DCC: variants seen among roughly 807,000 people sequenced by gnomAD.
DCC encodes the protein netrin receptor DCC.
A neutral mutation model predicts 172.5 loss-of-function variants in DCC; 58 were observed. The observed-to-expected ratio is 0.34, with a 90% CI of 0.27 to 0.42. DCC has a LOEUF of 0.42. DCC is among the 10% of genes least tolerant of loss of function. DCC has a pLI of 1.00. For missense variants in DCC, 1,740 were observed against 1,791.0 expected (o/e 0.97, Z 0.51); for synonymous variants, 709 against 644.5 (o/e 1.10, Z -1.52).
Position 53,236,739 on chromosome 18 carries a change from A to G in DCC, c.1911+21142A>G, listed in dbSNP as rs560811863. Among the ~76,000 whole-genome samples the G allele has an allele frequency of 3.0e-3, 459 of 152,182 alleles. 3 individuals are homozygous for G. Among genetic ancestry groups the G allele is most frequent in the Non-Finnish European group, 5.3e-3 (360 of 67,932 alleles). On this transcript the variant is annotated intron_variant, in intron 12 of 28. Transcript: ENST00000442544. Reference sequence around the variant, plus strand: ...CATTTAGGTCTGTGATACACCTTGAATTAATTTTTGTGTATAGATTAAGGA... The same window carrying G: ...CATTTAGGTCTGTGATACACCTTGAGTTAATTTTTGTGTATAGATTAAGGA...
chr18:53,237,036 A>G (rs1318619968), intron 12 of DCC: 1 of 151,952 alleles, frequency 6.6e-6, no homozygotes, highest in Non-Finnish European at 1.5e-5. Context: ...TTTTTTTCCA[A>G]AATGGAATGT....
At chr18:52,634,683 A>G (rs1200279756) in intron 1 of DCC, among the ~76,000 whole-genome samples, 1 of 152,226 alleles carries the variant, frequency 6.6e-6, no homozygotes, top group Non-Finnish European at 1.5e-5. Context: ...ATTTAACAGT[A>G]TAACTTAGTG....
intron 13 of DCC, among the ~76,000 whole-genome samples, chr18:53,307,310 C>A (rs1166466489): frequency 6.6e-6 from 1 of 151,802 alleles, no homozygotes; most frequent in African/African-American, 2.4e-5. Context: ...TTTCTTTTTC[C>A]CCTGACAAAA....
At chr18:52,359,662 T>A (rs1984532870) in intron 1 of DCC, among the ~76,000 whole-genome samples, 1 of 152,184 alleles carries the variant, frequency 6.6e-6, no homozygotes, top group South Asian at 2.1e-4. Flanking sequence ...GAAGCTTGAG[T>A]CCATGGTGAC....
At chr18:52,487,705 G>A (rs2030294258) in intron 1 of DCC, among the ~76,000 whole-genome samples, 1 of 151,282 alleles carries the variant, frequency 6.6e-6, no homozygotes, top group South Asian at 2.1e-4. Flanking sequence ...CAGCTACTGG[G>A]GAGGCTGAGG....
At chr18:52,617,760 GA>G (rs1194131612) in intron 1 of DCC, among the ~76,000 whole-genome samples, 3 of 151,728 alleles carry the variant, frequency 2.0e-5, no homozygotes, top group Admixed American at 6.6e-5. Context: ...GAACATTTTA[GA>G]AAAGAAAAAA....
Position 52,964,837 on chromosome 18 carries a change from G to A in DCC, c.985+39467G>A, listed in dbSNP as rs573013582. Among the ~76,000 whole-genome samples the A allele has an allele frequency of 1.2e-4, 18 of 152,300 alleles. 1 individual carries two copies. The South Asian group carries it at 3.7e-3, about 32-fold the overall frequency. On this transcript the variant is annotated intron_variant, in intron 5 of 28. Coordinates refer to ENST00000442544, the MANE Select transcript of DCC (RefSeq NM_005215.4). ...AAATCAGCGCGTTGGCAAGGCTGCA[G>A]TCTTCTAGGTGCTCTAGGGGAAAAT...
intron 1 of DCC, among the ~76,000 whole-genome samples, chr18:52,543,249 TCTC>T (rs2032513678): frequency 4.6e-5 from 7 of 152,220 alleles, no homozygotes; most frequent in Admixed American, 4.6e-4. Context: ...ATTGCATTAG[TCTC>T]CTATTCAACC....
At chr18:52,590,223 G>A (rs2033769725) in intron 1 of DCC, among the ~76,000 whole-genome samples, 2 of 151,666 alleles carry the variant, frequency 1.3e-5, no homozygotes, top group South Asian at 4.2e-4. Context: ...TAAATTTGGT[G>A]CAATTTTTTT....
intron 12 of DCC, among the ~76,000 whole-genome samples, chr18:53,236,790 A>T (rs1319317454): frequency 6.6e-6 from 1 of 152,184 alleles, no homozygotes; most frequent in East Asian, 1.9e-4. Context: ...TTATATAGGT[A>T]TCCAGTTTTG....
chr18:52,780,350 AATT>A (rs1186650237), intron 2 of DCC, among the ~76,000 whole-genome samples: 39 of 151,588 alleles, frequency 2.6e-4, no homozygotes, highest in African/African-American at 8.9e-4. Context: ...TCTTGTAAAA[AATT>A]ATTAATTCCA....
chr18:53,168,392 G>A (rs901738420), intron 8 of DCC, among the ~76,000 whole-genome samples: 1 of 151,964 alleles, frequency 6.6e-6, no homozygotes, highest in Non-Finnish European at 1.5e-5. Context: ...CCATAAAAAA[G>A]GGATGAGTTC....
intron 1 of DCC, among the ~76,000 whole-genome samples, chr18:52,523,256 C>G (rs928875821): frequency 6.6e-6 from 1 of 152,048 alleles, no homozygotes; most frequent in African/African-American, 2.4e-5. Flanking sequence ...TTCTGGGTTT[C>G]CCATCAGACA....
intron 2 of DCC, among the ~76,000 whole-genome samples, chr18:52,902,581 T>C (rs1368423416): frequency 1.3e-5 from 2 of 152,208 alleles, no homozygotes; most frequent in Non-Finnish European, 2.9e-5. Flanking sequence ...GAAAATATAG[T>C]ATTTCATACG....
At chr18:52,464,714 G>T (rs1988732560) in intron 1 of DCC, among the ~76,000 whole-genome samples, 1 of 151,752 alleles carries the variant, frequency 6.6e-6, no homozygotes, top group Non-Finnish European at 1.5e-5. Flanking sequence ...ATCACAGGGA[G>T]ACTTTCTGCA....
chr18:52,873,366 G>A (rs1430166189), intron 2 of DCC, among the ~76,000 whole-genome samples: 1 of 152,138 alleles, frequency 6.6e-6, no homozygotes, highest in Non-Finnish European at 1.5e-5. Context: ...TGGAAATAGA[G>A]CCAATATGTA....
intron 8 of DCC, among the ~76,000 whole-genome samples, chr18:53,175,376 G>A (rs2055075656): frequency 6.6e-6 from 1 of 152,058 alleles, no homozygotes; most frequent in Non-Finnish European, 1.5e-5. Flanking sequence ...AGGAAAAGAG[G>A]AAGTCAAATT....
chr18:52,972,614 A>G lies in DCC; in HGVS notation c.985+47244A>G, dbSNP rs542341736. On this transcript the variant is annotated intron_variant, in intron 5 of 28. Coordinates refer to ENST00000442544, the MANE Select transcript of DCC (RefSeq NM_005215.4). Reference sequence around the variant, plus strand: ...TAAAATATATCATATATTTACATATATGAATACATGTATACTGGGCCAAAA... The same window carrying G: ...TAAAATATATCATATATTTACATATGTGAATACATGTATACTGGGCCAAAA... Among the ~76,000 whole-genome samples, 4 of 151,940 alleles carry G rather than the reference A, an allele frequency of 2.6e-5. No individual in the cohort carries two copies. In the East Asian group the frequency reaches 5.8e-4, roughly 22 times the overall value.
At chr18:52,410,965 A>G (rs1009466550) in intron 1 of DCC, among the ~76,000 whole-genome samples, 1 of 152,138 alleles carries the variant, frequency 6.6e-6, no homozygotes, top group Non-Finnish European at 1.5e-5. Flanking sequence ...CCTGACAACT[A>G]TTTACATTGT....
Sources: gnomAD v4.1 joint callset for allele counts (sites outside exome capture counted in the v4.1 genomes callset) on GRCh38, gnomAD v4.1.1 for gene constraint, MANE v1.5 for transcripts, NCBI Gene and HGNC (gene_info 2026-07-23, HGNC 2026-07-21) for gene names.